MATCAP1: variants seen among roughly 807,000 people sequenced by gnomAD.
The protein encoded by MATCAP1 is microtubule associated tyrosine carboxypeptidase 1.
At chr16:67,179,578 C>A in the MATCAP1 span, 1 of 1,607,122 alleles carries the variant, frequency 6.2e-7, no homozygotes, top group Non-Finnish European at 8.5e-7. The surrounding 1 kb of genome is among the most constrained non-coding windows in gnomAD (Gnocchi z 5.2). Context: ...GGTGGCAGTG[C>A]TCTGAGCCAT....
chr16:67,178,340 G>A, the MATCAP1 span: 2 of 1,578,158 alleles, frequency 1.3e-6, no homozygotes, highest in African/African-American at 1.3e-5. Context: ...GTGTAGTAGA[G>A]CAGTGCAGCG....
chr16:67,176,406 C>G, the MATCAP1 span: 1 of 160,704 alleles, frequency 6.2e-6, no homozygotes, highest in Non-Finnish European at 1.4e-5. This position sits in a 1 kb window ranked among gnomAD's most constrained non-coding sequence, Gnocchi z 4.3. Context: ...AGCACAAATG[C>G]TGAAGGAGCA....
the MATCAP1 span, chr16:67,176,587 G>A: frequency 2.4e-5 from 10 of 424,190 alleles, no homozygotes; most frequent in East Asian, 2.9e-4. The surrounding 1 kb of genome is among the most constrained non-coding windows in gnomAD (Gnocchi z 4.3). Flanking sequence ...GCAGGAGGGC[G>A]ACTCAGTTTG....
At chr16:67,182,526 G>C in the MATCAP1 span, among the ~76,000 whole-genome samples, 1 of 152,218 alleles carries the variant, frequency 6.6e-6, no homozygotes, top group East Asian at 1.9e-4. Context: ...TGCAATTTGA[G>C]ATACTGTCTA....
At chr16:67,177,051 A>G in the MATCAP1 span, 2 of 1,329,108 alleles carry the variant, frequency 1.5e-6, no homozygotes, top group Middle Eastern at 2.0e-4. Flanking sequence ...CCCACTGCTT[A>G]CAGCTCACAG....
chr16:67,176,830 C>T, the MATCAP1 span: 1 of 1,599,542 alleles, frequency 6.3e-7, no homozygotes, highest in Non-Finnish European at 8.5e-7. The surrounding 1 kb of genome is among the most constrained non-coding windows in gnomAD (Gnocchi z 4.3). Flanking sequence ...TAGCAGGCGA[C>T]CCAGCTCCGC....
the MATCAP1 span, among the ~76,000 whole-genome samples, chr16:67,182,156 G>A: frequency 6.6e-6 from 1 of 151,970 alleles, no homozygotes; most frequent in Non-Finnish European, 1.5e-5. Context: ...GGCTGAGGTA[G>A]GAGAATCGCT....
chr16:67,176,928 A>C, the MATCAP1 span: 1 of 1,603,936 alleles, frequency 6.2e-7, no homozygotes, highest in Non-Finnish European at 8.5e-7. This position sits in a 1 kb window ranked among gnomAD's most constrained non-coding sequence, Gnocchi z 4.3. Context: ...CCCGGGTATT[A>C]TCCAGCACCC....
the MATCAP1 span, chr16:67,180,580 C>T: frequency 6.6e-6 from 10 of 1,523,256 alleles, no homozygotes; most frequent in Non-Finnish European, 8.8e-6. Context: ...GGTGCCTGAT[C>T]ATACGCCTGA....
At chr16:67,180,663 A>C in the MATCAP1 span, 1 of 1,317,564 alleles carries the variant, frequency 7.6e-7, no homozygotes, top group East Asian at 2.4e-5. Flanking sequence ...CACACTGTCG[A>C]CCTCTGGGGA....
At chr16:67,178,208 A>C in the MATCAP1 span, 5 of 1,490,732 alleles carry the variant, frequency 3.4e-6, no homozygotes, top group African/African-American at 4.2e-5. Flanking sequence ...CCTGGCAGCG[A>C]GGTGTCGGTC....
At chr16:67,176,706 C>T in the MATCAP1 span, 1 of 1,134,502 alleles carries the variant, frequency 8.8e-7, no homozygotes, top group African/African-American at 1.6e-5. The surrounding 1 kb of genome is among the most constrained non-coding windows in gnomAD (Gnocchi z 4.3). Flanking sequence ...CCCAACACCC[C>T]CAAGAAACAC....
chr16:67,179,173 GGA>G, the MATCAP1 span: 1 of 1,302,584 alleles, frequency 7.7e-7, no homozygotes, highest in Non-Finnish European at 9.8e-7. This position sits in a 1 kb window ranked among gnomAD's most constrained non-coding sequence, Gnocchi z 5.2. Flanking sequence ...GGGAGAAGTC[GGA>G]GAGGAAGTGG....
At chr16:67,178,111 G>T in the MATCAP1 span, 1 of 1,610,352 alleles carries the variant, frequency 6.2e-7, no homozygotes, top group Non-Finnish European at 8.5e-7. Context: ...AAACAACCTG[G>T]GAGGGCAGGA....
At chr16:67,180,322 G>A in the MATCAP1 span, 2 of 1,612,340 alleles carry the variant, frequency 1.2e-6, no homozygotes, top group Admixed American at 1.7e-5. Flanking sequence ...GGCCGTCCCA[G>A]GGTGCCACGC....
At chr16:67,180,907 G>A in the MATCAP1 span, among the ~76,000 whole-genome samples, 3 of 152,174 alleles carry the variant, frequency 2.0e-5, no homozygotes, top group African/African-American at 7.2e-5. Context: ...TGTTGCCCAA[G>A]GTGGAGTGCA....
chr16:67,182,164 G>A, the MATCAP1 span, among the ~76,000 whole-genome samples: 1 of 151,204 alleles, frequency 6.6e-6, no homozygotes, highest in Non-Finnish European at 1.5e-5. Context: ...TAGGAGAATC[G>A]CTTGAACCCG....
the MATCAP1 span, chr16:67,180,463 C>A: frequency 6.2e-7 from 1 of 1,606,832 alleles, no homozygotes; most frequent in Middle Eastern, 1.7e-4. Flanking sequence ...ACTGCCAGAG[C>A]CAGGGGCAAG....
the MATCAP1 span, chr16:67,183,779 T>A: frequency 6.0e-6 from 1 of 165,636 alleles, no homozygotes; most frequent in South Asian, 1.4e-4. Flanking sequence ...CAGGAGACAA[T>A]GGAGTGGAGG....
Sources: gnomAD v4.1 joint callset for allele counts (sites outside exome capture counted in the v4.1 genomes callset) on GRCh38, gnomAD v4.1.1 for gene constraint, Gnocchi (gnomAD v3.1) non-coding constraint, MANE v1.5 for transcripts, NCBI Gene and HGNC (gene_info 2026-07-23, HGNC 2026-07-21) for gene names.